DCPS: variants seen among roughly 807,000 people sequenced by gnomAD.
The protein encoded by DCPS is decapping enzyme, scavenger, also known as m7GpppX diphosphatase.
A neutral mutation model predicts 34.7 loss-of-function variants in DCPS; 27 were observed. The observed-to-expected ratio is 0.78, with a 90% confidence interval of 0.57 to 1.07. The LOEUF is 1.07. Ranked by LOEUF, DCPS falls within the 50% of genes least tolerant of loss-of-function variation. The pLI is 0.00. For synonymous variants in DCPS, 185 were observed against 185.7 expected, an observed-to-expected ratio of 1.00 and a Z score of 0.03; for missense variants, 464 against 436.9, an observed-to-expected ratio of 1.06 and a Z score of -0.55.
Position 126,320,950 on chromosome 11 carries a change from T to C in DCPS, c.377-10455T>C, listed in dbSNP as rs1218780468. Among the ~76,000 whole-genome samples the C allele has an allele frequency of 2.0e-5, 3 of 152,016 alleles. No homozygotes were observed. The highest frequency in any genetic ancestry group is 7.2e-5 in the African/African-American group (3 of 41,398). On this transcript the variant is annotated intron_variant, in intron 2 of 5. Coordinates refer to ENST00000263579, the MANE Select transcript of DCPS (RefSeq NM_014026.6). This position sits in a 1 kb window ranked among gnomAD's most constrained non-coding sequence, Gnocchi z 4.7. The stretch of plus-strand genomic sequence containing the variant: ...CCAGCAGGAGAGTAGAGCAGAAATG[T>C]CTGGAGAGGGTGACATACCAGGTAG...
At chr11:126,343,120 G>A (rs188198662) in intron 4 of DCPS, among the ~76,000 whole-genome samples, 187 bp from the exon 5 acceptor site, 70 of 150,124 alleles carry the variant, frequency 4.7e-4, no homozygotes, top group African/African-American at 1.6e-3. Flanking sequence ...AGCAAGAAGC[G>A]TACACAGTAG....
At position 126,342,959 on chromosome 11, in the gene DCPS, A is replaced by G. The variant is rs1951887074; in HGVS notation, c.637-348A>G. Among the ~76,000 whole-genome samples the G allele has an allele frequency of 6.6e-6, 1 of 151,254 alleles. No homozygotes were observed. The highest frequency in any genetic ancestry group is 1.5e-5 in the Non-Finnish European group (1 of 67,870). The stretch of plus-strand genomic sequence containing the variant: ...GTGGCACGCACCTGTAGTCCCAGCT[A>G]CTTGGGAGGCTGAGGCAGAAGAATC... On this transcript the variant is annotated intron_variant, in intron 4 of 5. Coordinates refer to ENST00000263579, the MANE Select transcript of DCPS (RefSeq NM_014026.6). This position sits in a 1 kb window ranked among gnomAD's most constrained non-coding sequence, Gnocchi z 4.4.
chr11:126,330,386 C>T (rs1299752893), intron 2 of DCPS, among the ~76,000 whole-genome samples: 1 of 152,098 alleles, frequency 6.6e-6, no homozygotes, highest in Non-Finnish European at 1.5e-5. Flanking sequence ...AACATCACAG[C>T]ACTTATGTGG....
intron 2 of DCPS, among the ~76,000 whole-genome samples, chr11:126,324,141 T>C (rs2135321135): frequency 6.6e-6 from 1 of 152,248 alleles, no homozygotes; most frequent in African/African-American, 2.4e-5. Context: ...CCTAAAGTTG[T>C]ATTTCTACAG....
Position 126,333,002 on chromosome 11 carries a change from T to A in DCPS, c.522+1452T>A, listed in dbSNP as rs1186512863. On this transcript the variant is annotated intron_variant, in intron 3 of 5. Transcript: ENST00000263579. The surrounding 1 kb of genome is among the most constrained non-coding windows in gnomAD (Gnocchi z 5.7). The stretch of plus-strand genomic sequence containing the variant: ...GATTACAGGTGCTTGCCACCATGCC[T>A]GGCTACTTTTTTGTATTTTTAGTAG... 6.6e-6 allele frequency among the ~76,000 whole-genome samples: 1 copy of A among 152,146 alleles called. No homozygotes were observed. Among genetic ancestry groups the A allele is most frequent in the Non-Finnish European group, 1.5e-5 (1 of 68,014 alleles).
chr11:126,304,061 C>T lies in DCPS; in HGVS notation c.-20C>T. ...GGGGCCAGCGCAGGGGGCGCAGGCGCACACCGCCTCCGCGGCAGCATGGCG... is the reference window on the plus strand; with the variant it reads ...GGGGCCAGCGCAGGGGGCGCAGGCGTACACCGCCTCCGCGGCAGCATGGCG... On this transcript the variant is annotated 5_prime_UTR_variant, in exon 1 of 6. Transcript: ENST00000263579. 1 of 1,569,856 alleles carries T rather than the reference C, an allele frequency of 6.4e-7. No individual in the cohort carries two copies. The highest frequency in any genetic ancestry group is 8.6e-7 in the Non-Finnish European group (1 of 1,158,160).
chr11:126,319,966 A>T lies in DCPS; in HGVS notation c.377-11439A>T, dbSNP rs555349598. Among the ~76,000 whole-genome samples the T allele has an allele frequency of 1.7e-4, 26 of 151,174 alleles. No individual in the cohort carries two copies. Among genetic ancestry groups the T allele is most frequent in the Non-Finnish European group, 3.2e-4 (22 of 67,914 alleles). On this transcript the variant is annotated intron_variant, in intron 2 of 5. Coordinates refer to ENST00000263579, the MANE Select transcript of DCPS (RefSeq NM_014026.6). This position sits in a 1 kb window ranked among gnomAD's most constrained non-coding sequence, Gnocchi z 4.5. ...AATATATATAACTCCATCATCCAGG[A>T]TTGATCTCTCTTAACATCTCAGAGT...
In DCPS at chr11:126,333,881, C is replaced by G. The variant is rs557374669; in HGVS notation, c.522+2331C>G. On this transcript the variant is annotated intron_variant, in intron 3 of 5. Coordinates refer to ENST00000263579, the MANE Select transcript of DCPS (RefSeq NM_014026.6). The surrounding 1 kb of genome is among the most constrained non-coding windows in gnomAD (Gnocchi z 5.7). ...AGCTGGGAATTCTCTCTCTCTCTCT[C>G]TCTCTCTCTCTGATATTTCTGACAA... Among the ~76,000 whole-genome samples the G allele has an allele frequency of 1.8e-4, 28 of 152,260 alleles. 1 individual carries two copies. Among genetic ancestry groups the G allele is most frequent in the Admixed American group, 1.8e-3 (28 of 15,296 alleles).
rs1363155241 is a variant in DCPS at position 126,329,919 on chromosome 11, C to T, written c.377-1486C>T. Among the ~76,000 whole-genome samples the T allele has an allele frequency of 6.6e-6, 1 of 151,974 alleles. No homozygotes were observed. Among genetic ancestry groups the T allele is most frequent in the Non-Finnish European group, 1.5e-5 (1 of 68,012 alleles). On this transcript the variant is annotated intron_variant, in intron 2 of 5. Transcript: ENST00000263579. The surrounding 1 kb of genome is among the most constrained non-coding windows in gnomAD (Gnocchi z 5.0). ...GTTTCCCTGGGAGAGCCTATCCGAA[C>T]CCAGATTAAGAAAGTCAGAGGGAAC...
Position 126,347,958 on chromosome 11 carries a change from TC to T in DCPS, c.*2347del, listed in dbSNP as rs1343376133. ...TTCCCTGTGGCCTCAGCCCATGCCC[TC>T]CTGCCCAGCCCCCAGTGGTGCTGCT... On this transcript the variant is annotated 3_prime_UTR_variant, in exon 6 of 6. Coordinates refer to ENST00000263579, the MANE Select transcript of DCPS (RefSeq NM_014026.6). The surrounding 1 kb of genome is among the most constrained non-coding windows in gnomAD (Gnocchi z 4.2). 6.6e-6 allele frequency among the ~76,000 whole-genome samples: 1 copy of T among 151,678 alleles called. No homozygotes were observed. Among genetic ancestry groups the T allele is most frequent in the Non-Finnish European group, 1.5e-5 (1 of 67,962 alleles).
intron 1 of DCPS, among the ~76,000 whole-genome samples, chr11:126,305,405 G>A (rs1047654810): frequency 3.8e-5 from 5 of 132,842 alleles, no homozygotes; most frequent in African/African-American, 1.4e-4. Flanking sequence ...GTGAGCCACC[G>A]CACCCGCCTT....
In DCPS at chr11:126,323,982, C is replaced by T. The variant is rs894555567; in HGVS notation, c.377-7423C>T. Reference sequence around the variant, plus strand: ...AGTATCTGGGATTACAGAAGCAAGCCACCATGCCTGGCTAATTTTTTTGTG... The same window carrying T: ...AGTATCTGGGATTACAGAAGCAAGCTACCATGCCTGGCTAATTTTTTTGTG... On this transcript the variant is annotated intron_variant, in intron 2 of 5. Transcript: ENST00000263579. The surrounding 1 kb of genome is among the most constrained non-coding windows in gnomAD (Gnocchi z 4.4). 1.3e-5 allele frequency among the ~76,000 whole-genome samples: 2 copies of T among 152,208 alleles called. No individual in the cohort carries two copies. Among genetic ancestry groups the T allele is most frequent in the Admixed American group, 1.3e-4 (2 of 15,280 alleles).
Position 126,348,588 on chromosome 11 carries a change from G to A in DCPS, c.*2975G>A, listed in dbSNP as rs1951958572. 3.9e-5 allele frequency among the ~76,000 whole-genome samples: 6 copies of A among 152,230 alleles called. No individual in the cohort carries two copies. ...AGGGTTGGCTGCTCTGCCAAGTCCT[G>A]TTGAGACTCCAAAAGCATAGTCTGT... On this transcript the variant is annotated 3_prime_UTR_variant, in exon 6 of 6. Transcript: ENST00000263579. The surrounding 1 kb of genome is among the most constrained non-coding windows in gnomAD (Gnocchi z 5.3).
chr11:126,322,223 C>T lies in DCPS; in HGVS notation c.377-9182C>T, dbSNP rs1222648813. 6.6e-6 allele frequency among the ~76,000 whole-genome samples: 1 copy of T among 152,128 alleles called. No individual in the cohort carries two copies. Among genetic ancestry groups the T allele is most frequent in the Non-Finnish European group, 1.5e-5 (1 of 68,018 alleles). The stretch of plus-strand genomic sequence containing the variant: ...ACAAAGAACTGGGCATCATAATGAT[C>T]TCAGACTCCACAACAACAGCATTCA... On this transcript the variant is annotated intron_variant, in intron 2 of 5. Coordinates refer to ENST00000263579, the MANE Select transcript of DCPS (RefSeq NM_014026.6). This position sits in a 1 kb window ranked among gnomAD's most constrained non-coding sequence, Gnocchi z 4.2.
chr11:126,321,907 C>T (rs550718534), intron 2 of DCPS, among the ~76,000 whole-genome samples: 1 of 151,808 alleles, frequency 6.6e-6, no homozygotes, highest in South Asian at 2.1e-4. Flanking sequence ...AGAAAACTTC[C>T]TTAAAAGTTG....
In DCPS at chr11:126,346,954, G is replaced by C. The variant is rs115876057; in HGVS notation, c.*1341G>C. On this transcript the variant is annotated 3_prime_UTR_variant, in exon 6 of 6. Transcript: ENST00000263579. The surrounding 1 kb of genome is among the most constrained non-coding windows in gnomAD (Gnocchi z 4.1). ...AAAACAGAAAAATTAGCCAGGTGTG[G>C]TGGTGGGCTCCTATAATCCCACCTA... 8.2e-3 allele frequency among the ~76,000 whole-genome samples: 1,244 copies of C among 152,142 alleles called. 20 individuals carry two copies. The highest frequency in any genetic ancestry group is 0.028 in the African/African-American group (1,180 of 41,540).
rs958653731 is a variant in DCPS, at chr11:126,327,225, T to A, written c.377-4180T>A. Among the ~76,000 whole-genome samples the A allele has an allele frequency of 6.6e-6, 1 of 152,314 alleles. No individual in the cohort carries two copies. On this transcript the variant is annotated intron_variant, in intron 2 of 5. Transcript: ENST00000263579. This position sits in a 1 kb window ranked among gnomAD's most constrained non-coding sequence, Gnocchi z 4.1. ...CATCTGGAGCAATTCCTCAGCCTTCTTTGTCCTTCCTAACTTTGACATTTT... is the reference window on the plus strand; with the variant it reads ...CATCTGGAGCAATTCCTCAGCCTTCATTGTCCTTCCTAACTTTGACATTTT...
rs1312331575 is a variant in DCPS, at chr11:126,347,823, G to C, written c.*2210G>C. Among the ~76,000 whole-genome samples the C allele has an allele frequency of 1.3e-5, 2 of 152,168 alleles. No individual in the cohort carries two copies. The highest frequency in any genetic ancestry group is 4.8e-5 in the African/African-American group (2 of 41,450). On this transcript the variant is annotated 3_prime_UTR_variant, in exon 6 of 6. Transcript: ENST00000263579. This position sits in a 1 kb window ranked among gnomAD's most constrained non-coding sequence, Gnocchi z 4.2. ...CATTCCAGGTCCAGGGGAAAGAAGT[G>C]ACCCGCTTCCCCTCTGAAAGCAGAT...
chr11:126,342,625 C>A lies in DCPS; in HGVS notation c.637-682C>A, dbSNP rs1266888258. On this transcript the variant is annotated intron_variant, in intron 4 of 5. Transcript: ENST00000263579. This position sits in a 1 kb window ranked among gnomAD's most constrained non-coding sequence, Gnocchi z 4.4. ...GGCCTTCCTGGGTTCATCCAGGTAGCTAGAGTCTTTCCTTCCTCCTGCACT... is the reference window on the plus strand; with the variant it reads ...GGCCTTCCTGGGTTCATCCAGGTAGATAGAGTCTTTCCTTCCTCCTGCACT... Among the ~76,000 whole-genome samples, 2 of 152,166 alleles carry A rather than the reference C, an allele frequency of 1.3e-5. No homozygotes were observed. The highest frequency in any genetic ancestry group is 2.9e-5 in the Non-Finnish European group (2 of 68,040).
Sources: gnomAD v4.1 joint callset for allele counts (sites outside exome capture counted in the v4.1 genomes callset) on GRCh38, gnomAD v4.1.1 for gene constraint, Gnocchi (gnomAD v3.1) non-coding constraint, MANE v1.5 for transcripts, NCBI Gene and HGNC (gene_info 2026-07-23, HGNC 2026-07-21) for gene names.